SMYD3: variants seen among roughly 807,000 people sequenced by gnomAD.
The protein encoded by SMYD3 is SET and MYND domain containing 3.
In SMYD3, 36 loss-of-function variants were observed where a neutral mutation model predicts 57.7. That is an observed-to-expected ratio of 0.62 (90% CI 0.48 to 0.82). The LOEUF (loss-of-function observed/expected upper bound fraction) is 0.82, where lower values mean the gene tolerates loss of function less well. SMYD3 is among the 40% of genes least tolerant of loss of function. The probability of loss-of-function intolerance (pLI) is 0.00; values close to 1 mark genes in which losing one functional copy is unlikely to be tolerated. For missense variants in SMYD3, 515 were observed against 538.8 expected, an observed-to-expected ratio of 0.96 and a Z score of 0.44; for synonymous variants, 211 against 195.0, an observed-to-expected ratio of 1.08 and a Z score of -0.68.
At chr1:246,480,992 G>A (rs955802725) in intron 1 of SMYD3, among the ~76,000 whole-genome samples, 3 of 151,992 alleles carry the variant, frequency 2.0e-5, no homozygotes, top group Non-Finnish European at 4.4e-5. Context: ...TAGAGACAGG[G>A]TATCACAATA....
chr1:246,296,223 G>A (rs1371042191), intron 5 of SMYD3, among the ~76,000 whole-genome samples: 1 of 152,036 alleles, frequency 6.6e-6, no homozygotes, highest in East Asian at 1.9e-4. Flanking sequence ...AAAATCACAT[G>A]GATTTTCTCT....
intron 5 of SMYD3, chr1:246,034,660 T>G (rs1403095521): frequency 6.4e-6 from 1 of 156,606 alleles, no homozygotes; most frequent in Non-Finnish European, 1.4e-5. Context: ...GGCAAATGAG[T>G]GCAGAAGAGG....
At chr1:246,304,138 T>C (rs2064939951) in intron 5 of SMYD3, among the ~76,000 whole-genome samples, 1 of 152,198 alleles carries the variant, frequency 6.6e-6, no homozygotes, top group South Asian at 2.1e-4. Flanking sequence ...TACTGGTAAA[T>C]GAAATTATAG....
At chr1:245,751,867 G>C (rs2045394736) in intron 11 of SMYD3, among the ~76,000 whole-genome samples, 1 of 152,234 alleles carries the variant, frequency 6.6e-6, no homozygotes, top group Non-Finnish European at 1.5e-5. Flanking sequence ...TAGGCAGGGG[G>C]CTGTCCGGAG....
At chr1:246,054,447 T>C (rs995893488) in intron 5 of SMYD3, among the ~76,000 whole-genome samples, 2 of 152,212 alleles carry the variant, frequency 1.3e-5, no homozygotes, top group African/African-American at 4.8e-5. Flanking sequence ...ACGTATGTCA[T>C]ACAAAGATTT....
intron 5 of SMYD3, among the ~76,000 whole-genome samples, chr1:246,238,167 A>T (rs1466708396): frequency 6.6e-6 from 1 of 152,070 alleles, no homozygotes; most frequent in African/African-American, 2.4e-5. Flanking sequence ...GGGCTCAAGC[A>T]ATCCTCACAC....
At chr1:246,306,992 GA>G (rs150830742) in intron 5 of SMYD3, among the ~76,000 whole-genome samples, 2 of 145,632 alleles carry the variant, frequency 1.4e-5, no homozygotes, top group Non-Finnish European at 3.0e-5. Context: ...TCTTAAGAAT[GA>G]AAAAAAAAAC....
intron 10 of SMYD3, among the ~76,000 whole-genome samples, chr1:245,778,996 C>G (rs1206967327): frequency 6.6e-6 from 1 of 151,810 alleles, no homozygotes; most frequent in African/African-American, 2.4e-5. Context: ...CCTGTCTCTA[C>G]TAAAAATACA....
intron 5 of SMYD3, among the ~76,000 whole-genome samples, chr1:246,002,260 C>G (rs1241171754): frequency 1.4e-5 from 2 of 139,608 alleles, no homozygotes; most frequent in Non-Finnish European, 3.2e-5. Flanking sequence ...TCTCGGCTCA[C>G]TGCAAGCTCC....
chr1:246,422,339 A>G (rs575994741), intron 1 of SMYD3, among the ~76,000 whole-genome samples: 1 of 152,188 alleles, frequency 6.6e-6, no homozygotes, highest in South Asian at 2.1e-4. Context: ...GCCTGATCCC[A>G]TTCCTTCATT....
intron 10 of SMYD3, among the ~76,000 whole-genome samples, chr1:245,845,086 A>T (rs1662222724): frequency 6.6e-6 from 1 of 152,154 alleles, no homozygotes; most frequent in African/African-American, 2.4e-5. Flanking sequence ...CAGCTCTCCA[A>T]AAGATTCTTC....
chr1:246,361,299 C>T (rs1044746258), intron 1 of SMYD3, among the ~76,000 whole-genome samples: 3 of 152,220 alleles, frequency 2.0e-5, no homozygotes, highest in Non-Finnish European at 2.9e-5. Flanking sequence ...AAAAAATAAT[C>T]GACGTAGGCA....
intron 5 of SMYD3, among the ~76,000 whole-genome samples, chr1:246,317,693 C>T (rs956594133): frequency 1.3e-5 from 2 of 152,036 alleles, no homozygotes; most frequent in Non-Finnish European, 2.9e-5. Flanking sequence ...TTAGCCACTC[C>T]ACAATATATA....
intron 5 of SMYD3, among the ~76,000 whole-genome samples, chr1:246,144,372 T>C (rs557379018): frequency 1.3e-5 from 2 of 152,224 alleles, no homozygotes; most frequent in African/African-American, 4.8e-5. Flanking sequence ...GTACAACTGA[T>C]CCATTATTAT....
intron 5 of SMYD3, among the ~76,000 whole-genome samples, chr1:245,994,273 T>C (rs536555139): frequency 2.6e-5 from 4 of 152,300 alleles, no homozygotes; most frequent in African/African-American, 9.6e-5. Context: ...TAGGAACTCC[T>C]CTATGGTTCT....
chr1:245,901,313 C>T (rs930178614), intron 8 of SMYD3, among the ~76,000 whole-genome samples: 2 of 152,112 alleles, frequency 1.3e-5, no homozygotes, highest in African/African-American at 4.8e-5. Flanking sequence ...ATTACTCAGA[C>T]CAAGAAAGAT....
intron 5 of SMYD3, chr1:245,947,463 C>G: frequency 2.2e-6 from 1 of 455,756 alleles, no homozygotes; most frequent in Admixed American, 2.4e-5. Context: ...TCTGCTACCC[C>G]ATGTCACCGT....
intron 5 of SMYD3, among the ~76,000 whole-genome samples, chr1:246,244,845 C>T (rs1558344928): frequency 6.6e-6 from 1 of 152,074 alleles, no homozygotes. Context: ...AAAATTTTTC[C>T]ACTCTACTAT....
chr1:246,122,805 C>A (rs1300258299), intron 5 of SMYD3, among the ~76,000 whole-genome samples: 1 of 152,196 alleles, frequency 6.6e-6, no homozygotes, highest in Non-Finnish European at 1.5e-5. Flanking sequence ...TGCCCCTGCT[C>A]TCCGGGACTA....
Sources: allele counts gnomAD v4.1 joint callset (sites outside exome capture counted in the v4.1 genomes callset), GRCh38; gene constraint gnomAD v4.1.1; transcripts MANE v1.5; gene names NCBI Gene and HGNC (gene_info 2026-07-23, HGNC 2026-07-21).